Variants in MAMDC2 observed in about 807,000 individuals in gnomAD.
MAMDC2 encodes MAM domain containing 2.
In MAMDC2, 57 loss-of-function variants were observed where a neutral mutation model predicts 89.8. The observed-to-expected ratio is 0.63, with a 90% confidence interval of 0.51 to 0.79. MAMDC2 has a LOEUF of 0.79. MAMDC2 is among the 30% of genes least tolerant of loss of function. The pLI is 0.00. For missense variants in MAMDC2, 800 were observed against 820.6 expected, an observed-to-expected ratio of 0.97 and a Z score of 0.31; for synonymous variants, 313 against 293.4, an observed-to-expected ratio of 1.07 and a Z score of -0.68.
At chr9:70,109,113 C>G (rs1299639787) in intron 3 of MAMDC2, 1 of 152,330 alleles carries the variant, frequency 6.6e-6, no homozygotes, top group African/African-American at 2.4e-5. Context: ...CACAATGGAG[C>G]CATCATGAAA....
chr9:70,159,850 C>T (rs2031903048), intron 9 of MAMDC2, among the ~76,000 whole-genome samples: 1 of 152,290 alleles, frequency 6.6e-6, no homozygotes, highest in East Asian at 1.9e-4. Context: ...AGAGAAACCA[C>T]ATTGTATTTT....
At chr9:70,180,547 G>C (rs943882584) in intron 11 of MAMDC2, among the ~76,000 whole-genome samples, 1 of 152,116 alleles carries the variant, frequency 6.6e-6, no homozygotes, top group Non-Finnish European at 1.5e-5. Context: ...ACTTTTTAAT[G>C]ATTGCCATTC....
At position 70,126,314 on chromosome 9, in the gene MAMDC2, G is replaced by T. The variant is rs1314322381; in HGVS notation, c.799G>T (p.Asp267Tyr). The change falls in exon 6 of 14, where the codon GAT becomes TAT. Residue 267 changes from aspartate (D) to tyrosine (Y), a missense_variant. Asp to Tyr is a radical substitution (Grantham distance 160). Transcript: ENST00000377182. Reference sequence around the variant, plus strand: ...CAATGTCTTTTCCCTTTACACTCGGGATGTGGCTGGCCTTTACGAGGAAAT... The same window carrying T: ...CAATGTCTTTTCCCTTTACACTCGGTATGTGGCTGGCCTTTACGAGGAAAT... ...NDNVFSLYTR[D>Y]VAGLYEEIWK... 17 of 1,614,088 alleles carry T rather than the reference G, an allele frequency of 1.1e-5. No individual in the cohort carries two copies. Among genetic ancestry groups the T allele is most frequent in the Non-Finnish European group, 1.4e-5 (16 of 1,180,042 alleles).
At chr9:70,098,964 A>G (rs996733716) in intron 2 of MAMDC2, among the ~76,000 whole-genome samples, 1 of 152,198 alleles carries the variant, frequency 6.6e-6, no homozygotes, top group African/African-American at 2.4e-5. Flanking sequence ...TTACCAGATG[A>G]CTTGAGCTGA....
intron 12 of MAMDC2, among the ~76,000 whole-genome samples, chr9:70,219,289 C>T (rs750977960): frequency 2.0e-4 from 30 of 152,310 alleles, no homozygotes; most frequent in South Asian, 4.1e-4. Flanking sequence ...ATTTTACCTG[C>T]CTACCATGAG....
In MAMDC2 at chr9:70,044,029, A is replaced by T; in HGVS notation, c.-169A>T. 2 of 723,398 alleles carry T rather than the reference A, an allele frequency of 2.8e-6. No individual in the cohort carries two copies. Among genetic ancestry groups the T allele is most frequent in the Non-Finnish European group, 4.6e-6 (2 of 434,992 alleles). The allele number at this position is 723,398 out of a possible 1,614,324, so 44.8% of individuals were successfully genotyped here. A position where few individuals can be genotyped will look rare whatever the true frequency, so the allele number is the denominator to read the frequency against. ...TTCCAGCATACCGCTCGGCTCCGGG[A>T]GCCGCTCTGCAAAGTTGGGCAGCTC... On this transcript the variant is annotated 5_prime_UTR_variant, in exon 1 of 14. Coordinates refer to ENST00000377182, the MANE Select transcript of MAMDC2 (RefSeq NM_153267.5).
chr9:70,195,906 G>A (rs1432037333), intron 11 of MAMDC2, among the ~76,000 whole-genome samples: 1 of 152,060 alleles, frequency 6.6e-6, no homozygotes, highest in Non-Finnish European at 1.5e-5. Context: ...CATTAACAAT[G>A]CAACCTTCTG....
At chr9:70,191,589 C>G (rs2032881752) in intron 11 of MAMDC2, among the ~76,000 whole-genome samples, 1 of 151,954 alleles carries the variant, frequency 6.6e-6, no homozygotes, top group Admixed American at 6.6e-5. Context: ...GTATTTCCCA[C>G]TAGAGAGAGT....
chr9:70,146,045 A>G (rs2031394314), intron 9 of MAMDC2, among the ~76,000 whole-genome samples: 1 of 152,202 alleles, frequency 6.6e-6, no homozygotes, highest in Admixed American at 6.5e-5. Context: ...GTATTCTAGA[A>G]AACTCCTGCT....
At chr9:70,044,790 A>C in intron 2 of MAMDC2, 93 bp downstream of exon 2, 1 of 935,152 alleles carries the variant, frequency 1.1e-6, no homozygotes, top group South Asian at 1.4e-5. Flanking sequence ...TCTTGGAGTT[A>C]ATTCTCCGCG....
intron 11 of MAMDC2, among the ~76,000 whole-genome samples, chr9:70,206,429 T>C (rs1261432911): frequency 2.6e-5 from 4 of 152,090 alleles, no homozygotes; most frequent in Non-Finnish European, 4.4e-5. Context: ...CTGGAACACA[T>C]ACACTAAGGA....
intron 11 of MAMDC2, among the ~76,000 whole-genome samples, chr9:70,199,111 G>C (rs1392766616): frequency 6.6e-6 from 1 of 150,456 alleles, no homozygotes; most frequent in Non-Finnish European, 1.5e-5. Context: ...CATTGTACAG[G>C]TTAGTTACAT....
rs184935749 is a variant in MAMDC2 at position 70,148,065 on chromosome 9, T to C, written c.1404+4246T>C. 2.0e-5 allele frequency: 3 copies of C among 150,498 alleles called. No homozygotes were observed. In the East Asian group the frequency reaches 5.8e-4, roughly 29 times the overall value. The allele number at this position is 150,498 out of a possible 1,614,324, so 9.3% of individuals were successfully genotyped here. Reference sequence around the variant, plus strand: ...TGCAACCCTCCTCTGCAGGGACCCTTTGGCTTCCTATTGCTTTTAGAGAAA... The same window carrying C: ...TGCAACCCTCCTCTGCAGGGACCCTCTGGCTTCCTATTGCTTTTAGAGAAA... On this transcript the variant is annotated intron_variant, in intron 9 of 13. Transcript: ENST00000377182.
intron 2 of MAMDC2, among the ~76,000 whole-genome samples, chr9:70,098,845 C>A (rs920772299): frequency 6.6e-6 from 1 of 152,064 alleles, no homozygotes; most frequent in African/African-American, 2.4e-5. Context: ...TGTAAAGTGG[C>A]AATTTCTACA....
chr9:70,188,762 A>ATTTGTTTTTT, intron 11 of MAMDC2: 1 of 95,148 alleles, frequency 1.1e-5, no homozygotes, highest in Non-Finnish European at 1.8e-5. Context: ...AAAACAATTG[A>ATTTGTTTTTT]TTTTTTTTTT....
rs149290520 is a variant in MAMDC2 at position 70,045,085 on chromosome 9, A to C, written c.148+388A>C. ...GGAGACATGTCTGTGAGTTGGGAAA[A>C]GTTGCATGGGACTAGTTCTCCTTCA... On this transcript the variant is annotated intron_variant, in intron 2 of 13. Coordinates refer to ENST00000377182, the MANE Select transcript of MAMDC2 (RefSeq NM_153267.5). Among the ~76,000 whole-genome samples, 333 of 152,352 alleles carry C rather than the reference A, an allele frequency of 2.2e-3. 2 individuals are homozygous for C. The highest frequency in any genetic ancestry group is 7.5e-3 in the African/African-American group (311 of 41,598).
rs375214488 is a variant in MAMDC2 at position 70,108,234 on chromosome 9, T to A, written c.172T>A (p.Ser58Thr). The change falls in exon 3 of 14, where the codon TCC becomes ACC. Residue 58 changes from serine to threonine, a missense_variant. Transcript: ENST00000377182. Reference protein sequence around the residue: ...EEGHYIYVDTSFGKQGEKAVL... With the variant: ...EEGHYIYVDTTFGKQGEKAVL... Reference sequence around the variant, plus strand: ...AGGCCATTACATTTATGTGGATACCTCCTTTGGCAAGCAGGGGGAGAAAGC... The same window carrying A: ...AGGCCATTACATTTATGTGGATACCACCTTTGGCAAGCAGGGGGAGAAAGC... 60 of 1,607,284 alleles carry A rather than the reference T, an allele frequency of 3.7e-5. No homozygotes were observed. The highest frequency in any genetic ancestry group is 5.0e-5 in the Non-Finnish European group (59 of 1,177,218).
chr9:70,100,447 C>T (rs1474502300), intron 2 of MAMDC2, among the ~76,000 whole-genome samples: 2 of 152,140 alleles, frequency 1.3e-5, no homozygotes, highest in African/African-American at 2.4e-5. Flanking sequence ...GGAAGATCCT[C>T]GTTTGAGTTC....
At chr9:70,172,415 T>C (rs920006042) in intron 11 of MAMDC2, 13 of 152,354 alleles carry the variant, frequency 8.5e-5, no homozygotes, top group Admixed American at 6.5e-4. Flanking sequence ...CTCTTAGCTA[T>C]TGAATGTCCT....
Sources: allele counts gnomAD v4.1 joint callset (sites outside exome capture counted in the v4.1 genomes callset), GRCh38; gene constraint gnomAD v4.1.1; transcripts MANE v1.5; gene names NCBI Gene and HGNC (gene_info 2026-07-23, HGNC 2026-07-21).